Variants in ABI3BP observed in about 807,000 individuals in gnomAD.
ABI3BP encodes ABI family member 3 binding protein.
A neutral mutation model predicts 268.6 loss-of-function variants in ABI3BP; 216 were observed. That is an observed-to-expected ratio of 0.80 (90% CI 0.72 to 0.90). ABI3BP has a LOEUF of 0.90. Among genes scored for constraint, ABI3BP ranks in the 40% least tolerant of loss-of-function variants. The pLI, the probability that ABI3BP is intolerant of heterozygous loss-of-function variation, is 0.00. For missense variants in ABI3BP, 2,090 were observed against 2,182.4 expected (o/e 0.96, Z 0.84); for synonymous variants, 730 against 730.0 (o/e 1.00, Z 0.00).
At position 100,868,858 on chromosome 3, in the gene ABI3BP, G is replaced by GTTT. The variant is rs3031644; in HGVS notation, c.911-1905_911-1903dup. Among the ~76,000 whole-genome samples, 492 of 151,438 alleles carry GTTT rather than the reference G, an allele frequency of 3.2e-3. 5 individuals are homozygous for GTTT. The highest frequency in any genetic ancestry group is 0.011 in the African/African-American group (438 of 41,316). On this transcript the variant is annotated intron_variant, in intron 9 of 67. Coordinates refer to ENST00000471714, the MANE Select transcript of ABI3BP (RefSeq NM_001375547.2). ...TTTTTAAAACGTCTAAATTTTATCAGTTTTTTTTCTGACATCTTTTGTGTG... is the reference window on the plus strand; with the variant it reads ...TTTTTAAAACGTCTAAATTTTATCAGTTTTTTTTTTTCTGACATCTTTTGTGTG...
At chr3:100,829,771 G>A in intron 32 of ABI3BP, 107 bp from the exon 33 acceptor site, 1 of 901,402 alleles carries the variant, frequency 1.1e-6, no homozygotes, top group Non-Finnish European at 1.7e-6. Flanking sequence ...TTTCTTTTGG[G>A]TTTGAAATAT....
chr3:100,770,659 C>T, intron 62 of ABI3BP, 84 bp downstream of exon 62: 1 of 1,299,350 alleles, frequency 7.7e-7, no homozygotes, highest in Non-Finnish European at 1.0e-6. Context: ...CTTCACATGT[C>T]AACGTTGACC....
intron 1 of ABI3BP, chr3:100,945,597 C>T (rs2071750873): frequency 2.2e-6 from 1 of 446,146 alleles, no homozygotes; most frequent in Non-Finnish European, 4.5e-6. Flanking sequence ...GTTCTCTTCA[C>T]ACCTGGCTTC....
intron 2 of ABI3BP, among the ~76,000 whole-genome samples, chr3:100,923,375 G>A (rs2060866023): frequency 6.6e-6 from 1 of 152,104 alleles, no homozygotes; most frequent in Non-Finnish European, 1.5e-5. Flanking sequence ...AAATTATTTT[G>A]ATATGAATAA....
At chr3:100,961,788 T>A (rs1433309298) in intron 1 of ABI3BP, among the ~76,000 whole-genome samples, 1 of 152,120 alleles carries the variant, frequency 6.6e-6, no homozygotes, top group Non-Finnish European at 1.5e-5. Context: ...TTCACCACAC[T>A]CTTAGACATC....
chr3:100,969,742 T>C (rs1238031618), intron 1 of ABI3BP, among the ~76,000 whole-genome samples: 2 of 151,962 alleles, frequency 1.3e-5, no homozygotes, highest in East Asian at 3.9e-4. Context: ...CAGGGTGGAG[T>C]AGGAAGAGTC....
At chr3:100,966,350 T>A (rs1041948371) in intron 1 of ABI3BP, among the ~76,000 whole-genome samples, 40 of 152,234 alleles carry the variant, frequency 2.6e-4, no homozygotes, top group Non-Finnish European at 8.8e-5. Context: ...AGTGAGGCAA[T>A]GCTATCTCTG....
chr3:100,932,519 T>C (rs142631200), intron 1 of ABI3BP, among the ~76,000 whole-genome samples: 1,645 of 151,022 alleles, frequency 0.011, 25 homozygotes, highest in African/African-American at 0.038. Context: ...AATAACCCCA[T>C]TTTAAAAAAT....
At chr3:100,973,804 A>G (rs1475057030) in intron 1 of ABI3BP, among the ~76,000 whole-genome samples, 1 of 152,184 alleles carries the variant, frequency 6.6e-6, no homozygotes, top group Non-Finnish European at 1.5e-5. Flanking sequence ...ACTCATGAAT[A>G]CAAGATATAG....
chr3:100,922,583 T>C (rs1319336207), intron 2 of ABI3BP, among the ~76,000 whole-genome samples: 2 of 130,478 alleles, frequency 1.5e-5, no homozygotes, highest in African/African-American at 2.7e-5. Context: ...ATGGTGATGG[T>C]GATGGTGATG....
chr3:100,936,310 A>G (rs1484754195), intron 1 of ABI3BP, among the ~76,000 whole-genome samples: 1 of 152,214 alleles, frequency 6.6e-6, no homozygotes, highest in Non-Finnish European at 1.5e-5. Flanking sequence ...CCAGCCTTGC[A>G]TCCCAGGGAT....
At chr3:100,953,639 G>A (rs1202874678) in intron 1 of ABI3BP, among the ~76,000 whole-genome samples, 1 of 151,954 alleles carries the variant, frequency 6.6e-6, no homozygotes, top group East Asian at 1.9e-4. Flanking sequence ...ACCTCAAAGA[G>A]ATTACCAGAC....
intron 1 of ABI3BP, among the ~76,000 whole-genome samples, chr3:100,975,223 T>C (rs1248550731): frequency 1.3e-5 from 2 of 152,170 alleles, no homozygotes; most frequent in Non-Finnish European, 2.9e-5. Flanking sequence ...TACACTTGGA[T>C]GTAGATAAAA....
chr3:100,875,083 A>G, intron 8 of ABI3BP, 150 bp from the exon 9 acceptor site: 1 of 530,504 alleles, frequency 1.9e-6, no homozygotes, highest in Non-Finnish European at 3.3e-6. Context: ...ATTGGAAAAA[A>G]TATAACCATA....
At chr3:100,988,867 C>T (rs1366631369) in intron 1 of ABI3BP, among the ~76,000 whole-genome samples, 1 of 152,164 alleles carries the variant, frequency 6.6e-6, no homozygotes, top group African/African-American at 2.4e-5. Flanking sequence ...AAGGTATAGT[C>T]ATTTGCCACT....
rs1305641929 is a variant in ABI3BP at position 100,780,192 on chromosome 3, T to G, written c.4180A>C (p.Arg1394=). 1.2e-6 allele frequency: 2 copies of G among 1,612,924 alleles called. No individual in the cohort carries two copies. Among genetic ancestry groups the G allele is most frequent in the East Asian group, 4.5e-5 (2 of 44,854 alleles). ...GVGTGVKQAP[R]PSGADRNVSV... ...ACATTTCTATCAGCACCTGATGGCC[T>G]GGGTGCTTGCTTGACCCCTATGAGC... is the stretch of plus-strand genomic sequence containing the variant. Residue 1394 remains arginine (R), a synonymous_variant, in exon 58 of 68, where the codon AGG becomes CGG. Transcript: ENST00000471714.
chr3:100,845,826 C>T (rs1182582893), intron 20 of ABI3BP, among the ~76,000 whole-genome samples: 1 of 149,506 alleles, frequency 6.7e-6, no homozygotes, highest in African/African-American at 2.5e-5. Context: ...ATAGAATGAT[C>T]CCTTCCTGCA....
intron 9 of ABI3BP, among the ~76,000 whole-genome samples, chr3:100,867,653 A>AG (rs1554022689): frequency 1.5e-4 from 23 of 150,432 alleles, no homozygotes; most frequent in Admixed American, 2.0e-4. Flanking sequence ...AAAAAAAAAA[A>AG]AAAAAAAAGA....
In ABI3BP at chr3:100,829,652, G is replaced by C; in HGVS notation, c.2471C>G (p.Pro824Arg). The change falls in exon 33 of 68, where the codon CCT becomes CGT. Residue 824 changes from proline to arginine, a missense_variant. Pro to Arg is a moderately radical substitution (Grantham distance 103). Transcript: ENST00000471714. Reference protein sequence around the residue: ...ASGTTAAPKVPQRTHRPHPKP... With the variant: ...ASGTTAAPKVRQRTHRPHPKP... Reference sequence around the variant, plus strand: ...GGGATGTGGACGATGAGTTCGTTGAGGCACTTTGGGAGCTAAAGGAAGAAA... The same window carrying C: ...GGGATGTGGACGATGAGTTCGTTGACGCACTTTGGGAGCTAAAGGAAGAAA... 2 of 1,535,464 alleles carry C rather than the reference G, an allele frequency of 1.3e-6. No individual in the cohort carries two copies. Among genetic ancestry groups the C allele is most frequent in the African/African-American group, 1.4e-5 (1 of 73,078 alleles).
Sources: gnomAD v4.1 joint callset for allele counts (sites outside exome capture counted in the v4.1 genomes callset) on GRCh38, gnomAD v4.1.1 for gene constraint, MANE v1.5 for transcripts, NCBI Gene and HGNC (gene_info 2026-07-23, HGNC 2026-07-21) for gene names.